Variants in TNFSF4 observed in about 807,000 individuals in gnomAD.
The protein encoded by TNFSF4 is tumor necrosis factor ligand superfamily member 4.
Under a neutral mutation model 7.3 loss-of-function variants are expected in TNFSF4, and 4 were observed. The ratio of observed to expected loss-of-function variants is 0.55; its 90% CI spans 0.27 to 1.25. The LOEUF is 1.25. Among genes scored for constraint, TNFSF4 ranks in the 50% most tolerant of loss-of-function variants. The probability of loss-of-function intolerance (pLI) is 0.12; values close to 1 mark genes in which losing one functional copy is unlikely to be tolerated. For synonymous variants in TNFSF4, 76 were observed against 83.7 expected (o/e 0.91, Z 0.50); for missense variants, 181 against 208.8 (o/e 0.87, Z 0.82).
At chr1:173,315,853 T>C in the TNFSF4 span, among the ~76,000 whole-genome samples, 1 of 152,192 alleles carries the variant, frequency 6.6e-6, no homozygotes, top group Non-Finnish European at 1.5e-5. Context: ...GGTTGCCTTT[T>C]CATTTTGTTG....
the TNFSF4 span, among the ~76,000 whole-genome samples, chr1:173,254,278 A>T: frequency 6.6e-6 from 1 of 152,208 alleles, no homozygotes; most frequent in Non-Finnish European, 1.5e-5. Context: ...CATTCTATAA[A>T]ATAGAATATG....
the TNFSF4 span, among the ~76,000 whole-genome samples, chr1:173,426,186 T>C: frequency 6.6e-6 from 1 of 152,116 alleles, no homozygotes; most frequent in African/African-American, 2.4e-5. Context: ...TTTGATGAGA[T>C]TATAGGGAGT....
the TNFSF4 span, among the ~76,000 whole-genome samples, chr1:173,357,677 A>G: frequency 1.3e-5 from 2 of 152,054 alleles, no homozygotes; most frequent in Non-Finnish European, 2.9e-5. Flanking sequence ...GATTACAGGC[A>G]TGCACCACCA....
At chr1:173,438,359 C>T in the TNFSF4 span, among the ~76,000 whole-genome samples, 1 of 152,144 alleles carries the variant, frequency 6.6e-6, no homozygotes, top group Non-Finnish European at 1.5e-5. Flanking sequence ...CACACTGCTC[C>T]AGGAAATTTC....
chr1:173,450,219 G>T, the TNFSF4 span, among the ~76,000 whole-genome samples: 1 of 152,014 alleles, frequency 6.6e-6, no homozygotes, highest in African/African-American at 2.4e-5. Flanking sequence ...CATTCAGGAA[G>T]AAAAAAGTTT....
At chr1:173,349,525 G>C in the TNFSF4 span, among the ~76,000 whole-genome samples, 95,830 of 152,054 alleles carry the variant, frequency 0.63, 30,406 homozygotes, top group Admixed American at 0.69. Flanking sequence ...ACAGGCTGCA[G>C]TATTAGTTCT....
At chr1:173,398,875 C>T in the TNFSF4 span, among the ~76,000 whole-genome samples, 1 of 152,206 alleles carries the variant, frequency 6.6e-6, no homozygotes, top group Non-Finnish European at 1.5e-5. Flanking sequence ...CTGGAGGCAA[C>T]ATATTCTCAT....
chr1:173,268,999 T>C, the TNFSF4 span, among the ~76,000 whole-genome samples: 5 of 152,100 alleles, frequency 3.3e-5, no homozygotes, highest in Non-Finnish European at 7.4e-5. Flanking sequence ...ATTTTTCATG[T>C]CCTCAATGAT....
At chr1:173,333,751 G>A in the TNFSF4 span, among the ~76,000 whole-genome samples, 3 of 152,096 alleles carry the variant, frequency 2.0e-5, no homozygotes, top group Non-Finnish European at 4.4e-5. Context: ...AATTTCTGTT[G>A]TCTAAACCAC....
the TNFSF4 span, among the ~76,000 whole-genome samples, chr1:173,246,919 C>T: frequency 2.6e-5 from 4 of 152,202 alleles, no homozygotes; most frequent in Non-Finnish European, 4.4e-5. Flanking sequence ...ACTTGCCAAA[C>T]TTGGCAGTAT....
At chr1:173,219,805 C>A in the TNFSF4 span, among the ~76,000 whole-genome samples, 2 of 152,038 alleles carry the variant, frequency 1.3e-5, no homozygotes, top group African/African-American at 4.8e-5. Context: ...GAATGGAAAA[C>A]CAAACATTGT....
the TNFSF4 span, among the ~76,000 whole-genome samples, chr1:173,222,007 A>T: frequency 6.6e-6 from 1 of 152,236 alleles, no homozygotes; most frequent in African/African-American, 2.4e-5. Flanking sequence ...TGCATGGCAT[A>T]GCATACAATA....
chr1:173,229,945 G>A, the TNFSF4 span, among the ~76,000 whole-genome samples: 1 of 151,922 alleles, frequency 6.6e-6, no homozygotes, highest in Admixed American at 6.6e-5. Context: ...AGTCCTTAGA[G>A]ACCTACAAAG....
chr1:173,366,124 A>G, the TNFSF4 span, among the ~76,000 whole-genome samples: 1 of 152,202 alleles, frequency 6.6e-6, no homozygotes, highest in Non-Finnish European at 1.5e-5. Context: ...TCCAACTCCT[A>G]GTATATACCC....
chr1:173,318,720 A>C, the TNFSF4 span, among the ~76,000 whole-genome samples: 1 of 152,218 alleles, frequency 6.6e-6, no homozygotes, highest in Non-Finnish European at 1.5e-5. Context: ...CAATTTGGCT[A>C]TATGTATCAA....
At chr1:173,418,790 C>A in the TNFSF4 span, among the ~76,000 whole-genome samples, 1 of 152,126 alleles carries the variant, frequency 6.6e-6, no homozygotes. Context: ...TCATGGCGAG[C>A]CTTACATGTA....
the TNFSF4 span, among the ~76,000 whole-genome samples, chr1:173,381,793 G>A: frequency 6.6e-6 from 1 of 152,166 alleles, no homozygotes. Context: ...GTCGGGTGGG[G>A]ACTTGAAGAA....
At chr1:173,204,924 A>AC (rs1557886815) in intron 1 of TNFSF4, among the ~76,000 whole-genome samples, 3 of 131,608 alleles carry the variant, frequency 2.3e-5, no homozygotes, top group Admixed American at 1.5e-4. Context: ...CACACACACA[A>AC]ACACACACAC....
the TNFSF4 span, among the ~76,000 whole-genome samples, chr1:173,300,270 T>C: frequency 1.3e-5 from 2 of 151,848 alleles, no homozygotes; most frequent in African/African-American, 4.8e-5. Context: ...GAGTCCTTCC[T>C]CTTTGGCCTA....
Sources: allele counts gnomAD v4.1 joint callset (sites outside exome capture counted in the v4.1 genomes callset), GRCh38; gene constraint gnomAD v4.1.1; transcripts MANE v1.5; gene names NCBI Gene and HGNC (gene_info 2026-07-23, HGNC 2026-07-21).